Variants in PPP1R37 observed in about 807,000 individuals in gnomAD.
The protein encoded by PPP1R37 is protein phosphatase 1 regulatory subunit 37, also known as leucine rich repeat containing 68.
PPP1R37 carries 21 observed loss-of-function variants against 61.0 expected under a neutral mutation model. The ratio of observed to expected loss-of-function variants is 0.34; its 90% CI spans 0.24 to 0.50. PPP1R37 has a LOEUF of 0.50. Ranked by LOEUF, PPP1R37 falls within the 20% of genes least tolerant of loss-of-function variation. PPP1R37 has a pLI of 0.98. For missense variants in PPP1R37, 910 were observed against 952.7 expected, an observed-to-expected ratio of 0.96 and a Z score of 0.59; for synonymous variants, 443 against 433.5, an observed-to-expected ratio of 1.02 and a Z score of -0.27.
At position 45,142,295 on chromosome 19, in the gene PPP1R37, G is replaced by A. The variant is rs112401916; in HGVS notation, c.719-8G>A. 183,187 of 1,535,594 alleles carry A rather than the reference G, an allele frequency of 0.12. 11,790 individuals carry two copies. The highest frequency in any genetic ancestry group is 0.16 in the Middle Eastern group (929 of 5,988). ...TGCCCAGTCACCGTGCCCCCTCCCC[G>A]TCCCCAGCCACGGCCCTGAAGATGA... On this transcript the variant is annotated splice_polypyrimidine_tract_variant and splice_region_variant and intron_variant, in intron 6 of 12. Transcript: ENST00000221462.
At chr19:45,143,497 G>GCT (rs1208489168) in intron 7 of PPP1R37, 24 bp from the exon 8 acceptor site, 2 of 1,436,900 alleles carry the variant, frequency 1.4e-6, no homozygotes, top group African/African-American at 2.8e-5. Flanking sequence ...CCCAGACAGG[G>GCT]CTCTGACTGC....
intron 1 of PPP1R37, among the ~76,000 whole-genome samples, chr19:45,115,891 G>A (rs534581986): frequency 3.3e-5 from 5 of 151,946 alleles, no homozygotes; most frequent in Admixed American, 1.3e-4. Context: ...GGAGAATTGC[G>A]TGAACCCAGG....
intron 1 of PPP1R37, among the ~76,000 whole-genome samples, chr19:45,093,779 G>A (rs1311556686): frequency 6.6e-6 from 1 of 152,178 alleles, no homozygotes; most frequent in African/African-American, 2.4e-5. Flanking sequence ...GGTTTAAAAC[G>A]ATGAGCAATT....
intron 7 of PPP1R37, chr19:45,143,060 C>T (rs1054065186): frequency 5.9e-6 from 1 of 168,800 alleles, no homozygotes; most frequent in African/African-American, 2.4e-5. Flanking sequence ...GCCCAGACCC[C>T]ACTCTACTGA....
intron 2 of PPP1R37, among the ~76,000 whole-genome samples, chr19:45,139,285 A>C (rs761087299): frequency 1.3e-5 from 2 of 152,248 alleles, no homozygotes; most frequent in East Asian, 3.8e-4. Flanking sequence ...AATACTACAG[A>C]TCTGAAAAGC....
At chr19:45,122,970 A>G (rs1333593139) in intron 1 of PPP1R37, among the ~76,000 whole-genome samples, 1 of 152,128 alleles carries the variant, frequency 6.6e-6, no homozygotes, top group African/African-American at 2.4e-5. Flanking sequence ...AGCCTCCTGC[A>G]CCTGCACTTT....
intron 1 of PPP1R37, among the ~76,000 whole-genome samples, chr19:45,102,007 T>A (rs551950939): frequency 6.6e-6 from 1 of 152,354 alleles, no homozygotes; most frequent in African/African-American, 2.4e-5. Flanking sequence ...TCCTTGGATC[T>A]GAGTCCCTTC....
intron 1 of PPP1R37, among the ~76,000 whole-genome samples, chr19:45,122,162 T>C (rs1349022382): frequency 8.5e-5 from 13 of 152,160 alleles, no homozygotes. Flanking sequence ...AGGACGGAAC[T>C]GGACACCTAG....
At chr19:45,109,991 G>A (rs1049479868) in intron 1 of PPP1R37, among the ~76,000 whole-genome samples, 2 of 152,214 alleles carry the variant, frequency 1.3e-5, no homozygotes, top group African/African-American at 2.4e-5. Context: ...TCCCCATCCA[G>A]TGTAAGCTTC....
chr19:45,133,546 T>C (rs1213507116), intron 1 of PPP1R37, among the ~76,000 whole-genome samples: 1 of 152,212 alleles, frequency 6.6e-6, no homozygotes, highest in Non-Finnish European at 1.5e-5. Flanking sequence ...TGCGCAGCCC[T>C]TCCCTTTGGA....
chr19:45,138,502 C>A lies in PPP1R37; in HGVS notation c.203-12C>A, dbSNP rs1477507242. On this transcript the variant is annotated splice_polypyrimidine_tract_variant and intron_variant, in intron 1 of 12. Coordinates refer to ENST00000221462, the MANE Select transcript of PPP1R37 (RefSeq NM_019121.2). ...GTGGACAGTCACAGGCCTGGGTCCC[C>A]TGTGCCTGCAGCCCAGAATGTGACC... 27 of 1,533,892 alleles carry A rather than the reference C, an allele frequency of 1.8e-5. No individual in the cohort carries two copies. The highest frequency in any genetic ancestry group is 2.3e-5 in the Non-Finnish European group (26 of 1,145,226).
chr19:45,140,281 GGT>G lies in PPP1R37; in HGVS notation c.346+7_346+8del. The stretch of plus-strand genomic sequence containing the variant: ...CCGCCTCGACTGTCTGGACCTGAAA[GGT>G]GTGTGTCTGGCTAGGGGTTGAGAGC... On this transcript the variant is annotated splice_donor_variant, in intron 3 of 12. Transcript: ENST00000221462. LOFTEE classifies it high-confidence loss of function. 10 of 1,536,078 alleles carry G rather than the reference GGT, an allele frequency of 6.5e-6. No homozygotes were observed. Among genetic ancestry groups the G allele is most frequent in the Non-Finnish European group, 8.7e-6 (10 of 1,146,828 alleles).
intron 1 of PPP1R37, among the ~76,000 whole-genome samples, chr19:45,101,654 G>C (rs571671048): frequency 9.2e-5 from 14 of 152,326 alleles, no homozygotes; most frequent in African/African-American, 3.4e-4. Context: ...GGAGGTCGAG[G>C]CTTTAGTGAG....
chr19:45,118,142 G>A (rs957379596), intron 1 of PPP1R37, among the ~76,000 whole-genome samples: 4 of 152,242 alleles, frequency 2.6e-5, no homozygotes, highest in African/African-American at 9.6e-5. Context: ...GGTAGCTGCA[G>A]CCCTCCCCTC....
chr19:45,128,338 ACTAT>A (rs1278442962), intron 1 of PPP1R37, among the ~76,000 whole-genome samples: 9 of 152,208 alleles, frequency 5.9e-5, no homozygotes, highest in Admixed American at 1.3e-4. Flanking sequence ...TTGTTTATAT[ACTAT>A]CTATTACTCT....
At position 45,145,819 on chromosome 19, in the gene PPP1R37, C is replaced by T. The variant is rs1355773474; in HGVS notation, c.1763C>T (p.Thr588Ile). 9.8e-5 allele frequency: 138 copies of T among 1,406,236 alleles called. No homozygotes were observed. Among genetic ancestry groups the T allele is most frequent in the Non-Finnish European group, 1.3e-4 (135 of 1,069,396 alleles). The allele number at this position is 1,406,236 out of a possible 1,614,324, so 87.1% of individuals were successfully genotyped here. A position where few individuals can be genotyped will look rare whatever the true frequency, so the allele number is the denominator to read the frequency against. ...AGGGCAGAGCCCCCTGCGTCCCCCA[C>T]CCCTCCCTCTCCCCCACCCCCTCCC... ...PERAEPPASP[T>I]PPSPPPPPSP... The change falls in exon 11 of 13, where the codon ACC becomes ATC. Residue 588 changes from threonine (T) to isoleucine (I), a missense_variant. Physicochemically the swap from Thr to Ile is moderately conservative, Grantham distance 89. Coordinates refer to ENST00000221462, the MANE Select transcript of PPP1R37 (RefSeq NM_019121.2).
chr19:45,094,232 C>T (rs1042544435), intron 1 of PPP1R37, among the ~76,000 whole-genome samples: 9 of 152,174 alleles, frequency 5.9e-5, no homozygotes, highest in Non-Finnish European at 1.3e-4. Context: ...TGTCCTCCCT[C>T]CTTGGCCTCC....
At position 45,146,011 on chromosome 19, in the gene PPP1R37, G is replaced by A; in HGVS notation, c.1955G>A (p.Gly652Glu). 6.5e-7 allele frequency: 1 copy of A among 1,533,038 alleles called. No homozygotes were observed. Among genetic ancestry groups the A allele is most frequent in the Non-Finnish European group, 8.7e-7 (1 of 1,145,316 alleles). 95.0% of individuals were successfully genotyped at this position (1,533,038 alleles called of 1,614,324 possible). A position where few individuals can be genotyped will look rare whatever the true frequency, so the allele number is the denominator to read the frequency against. ...GCACTGCCCCCTGAGCCGCCCCCGGGGCCTGAGGTCAAGGGGGGCAGCTGC... is the reference window on the plus strand; with the variant it reads ...GCACTGCCCCCTGAGCCGCCCCCGGAGCCTGAGGTCAAGGGGGGCAGCTGC... ...ALALPPEPPP[G>E]PEVKGGSCGL... The change falls in exon 11 of 13, where the codon GGG becomes GAG. Residue 652 changes from glycine (G) to glutamate (E), a missense_variant. By Grantham distance (98) the Gly-to-Glu change is moderately conservative (BLOSUM62 -2). Transcript: ENST00000221462.
intron 1 of PPP1R37, among the ~76,000 whole-genome samples, chr19:45,120,127 C>T (rs1465267602): frequency 6.6e-6 from 1 of 151,144 alleles, no homozygotes; most frequent in Admixed American, 6.6e-5. Flanking sequence ...ACGCCATTCT[C>T]CTGCCTCAGC....
Sources: gnomAD v4.1 joint callset for allele counts (sites outside exome capture counted in the v4.1 genomes callset) on GRCh38, gnomAD v4.1.1 for gene constraint, MANE v1.5 for transcripts, NCBI Gene and HGNC (gene_info 2026-07-23, HGNC 2026-07-21) for gene names.